MTA3: variants seen among roughly 807,000 people sequenced by gnomAD.
MTA3 encodes metastasis associated 1 family member 3, also known as metastasis-associated protein MTA3.
In MTA3, 34 loss-of-function variants were observed where a neutral mutation model predicts 83.5. That is an observed-to-expected ratio of 0.41 (90% CI 0.31 to 0.54). The LOEUF (loss-of-function observed/expected upper bound fraction) is 0.54, where lower values mean the gene tolerates loss of function less well. MTA3 is among the 20% of genes least tolerant of loss of function. The pLI, the probability that MTA3 is intolerant of heterozygous loss-of-function variation, is 0.33. For synonymous variants in MTA3, 303 were observed against 252.7 expected, an observed-to-expected ratio of 1.20 and a Z score of -1.89; for missense variants, 761 against 726.4, an observed-to-expected ratio of 1.05 and a Z score of -0.55.
intron 2 of MTA3, among the ~76,000 whole-genome samples, chr2:42,521,261 G>A (rs1360895160): frequency 1.3e-5 from 2 of 152,150 alleles, no homozygotes; most frequent in Non-Finnish European, 2.9e-5. Flanking sequence ...GGCCTACGCA[G>A]AAAGGAACTG....
chr2:42,508,385 G>A (rs1004256010), intron 2 of MTA3, among the ~76,000 whole-genome samples: 1 of 152,012 alleles, frequency 6.6e-6, no homozygotes, highest in Non-Finnish European at 1.5e-5. Flanking sequence ...AGGCTGGAGT[G>A]CAGTGGCACC....
At chr2:42,502,994 A>G (rs1373557145) in intron 2 of MTA3, among the ~76,000 whole-genome samples, 3 of 151,758 alleles carry the variant, frequency 2.0e-5, no homozygotes, top group Non-Finnish European at 4.4e-5. Flanking sequence ...AACATTAAAA[A>G]AAAAGGAAAG....
intron 3 of MTA3, among the ~76,000 whole-genome samples, chr2:42,591,741 T>A (rs1217409336): frequency 2.6e-5 from 4 of 151,944 alleles, no homozygotes; most frequent in Non-Finnish European, 5.9e-5. Context: ...ATCTCCGCCT[T>A]CCAGGTTCAA....
chr2:42,500,469 A>G (rs1674347300), intron 2 of MTA3, among the ~76,000 whole-genome samples: 1 of 151,994 alleles, frequency 6.6e-6, no homozygotes, highest in African/African-American at 2.4e-5. Flanking sequence ...GAGGCAGGAG[A>G]ATCGCTTAAA....
intron 3 of MTA3, among the ~76,000 whole-genome samples, chr2:42,586,306 CA>C (rs1215115561): frequency 3.3e-5 from 5 of 150,574 alleles, no homozygotes; most frequent in South Asian, 2.1e-4. Context: ...AAATTTAGGC[CA>C]GGGGCAGTGG....
In MTA3 at chr2:42,708,201, T is replaced by A. The variant is rs1432193482; in HGVS notation, c.1302+147T>A. ...GTAGCACTACAATATTCAGGGTAGG[T>A]GTGGAGAGAAGCAGAGAGAAATTAA... On this transcript the variant is annotated intron_variant, in intron 13 of 16. Transcript: ENST00000405094. 1.5e-5 allele frequency: 12 copies of A among 824,798 alleles called. No individual in the cohort carries two copies. The East Asian group carries it at 3.2e-4, about 22-fold the overall frequency. 51.1% of individuals were successfully genotyped at this position (824,798 alleles called of 1,614,324 possible). A position where few individuals can be genotyped will look rare whatever the true frequency, so the allele number is the denominator to read the frequency against.
rs1670204443 is a variant in MTA3 at position 42,755,849 on chromosome 2, A to C, written c.*2450A>C. 1.0e-6 allele frequency: 1 copy of C among 985,420 alleles called. No individual in the cohort carries two copies. Among genetic ancestry groups the C allele is most frequent in the Non-Finnish European group, 1.2e-6 (1 of 830,068 alleles). 61.0% of individuals were successfully genotyped at this position (985,420 alleles called of 1,614,324 possible). On this transcript the variant is annotated 3_prime_UTR_variant, in exon 17 of 17. Coordinates refer to ENST00000405094, the MANE Select transcript of MTA3 (RefSeq NM_001330442.2). ...GCAGACATGCCCCTGGGGTGAGGAC[A>C]CAGGCTCTGCAGGCTATCTCCCCCT...
chr2:42,617,759 A>G (rs117360248), intron 4 of MTA3, among the ~76,000 whole-genome samples: 2,025 of 151,348 alleles, frequency 0.013, 42 homozygotes, highest in South Asian at 0.078. Flanking sequence ...CTGGGCAACA[A>G]CAGTGCAACT....
chr2:42,511,994 G>A (rs1674924990), intron 2 of MTA3: 1 of 151,868 alleles, frequency 6.6e-6, no homozygotes, highest in Admixed American at 6.6e-5. Flanking sequence ...TCCAGCCTGG[G>A]CGACAGAGCG....
At chr2:42,716,199 A>AT (rs1667017614) in intron 14 of MTA3, among the ~76,000 whole-genome samples, 3 of 152,246 alleles carry the variant, frequency 2.0e-5, no homozygotes. Flanking sequence ...AAGAAAAGAA[A>AT]TTGGATCATT....
chr2:42,607,313 A>C (rs1168486629), intron 3 of MTA3, among the ~76,000 whole-genome samples: 1 of 152,140 alleles, frequency 6.6e-6, no homozygotes, highest in East Asian at 1.9e-4. Flanking sequence ...AGCAAAGAGG[A>C]GTCTCCCGCT....
At chr2:42,571,583 T>G (rs1010358238) in intron 2 of MTA3, among the ~76,000 whole-genome samples, 1 of 152,172 alleles carries the variant, frequency 6.6e-6, no homozygotes. Context: ...ATGTGTATTT[T>G]TCCCTTTTTA....
intron 4 of MTA3, among the ~76,000 whole-genome samples, chr2:42,625,940 T>G (rs1386351298): frequency 6.7e-6 from 1 of 149,284 alleles, no homozygotes; most frequent in Admixed American, 6.6e-5. Context: ...TTATCCTTTT[T>G]TTTTTCTTTT....
chr2:42,664,721 T>G (rs1263955946), intron 8 of MTA3, among the ~76,000 whole-genome samples: 1 of 152,130 alleles, frequency 6.6e-6, no homozygotes, highest in East Asian at 1.9e-4. Context: ...AAGACCTCTT[T>G]GAGAGGCCTG....
chr2:42,739,693 G>C (rs1224116698), intron 16 of MTA3, among the ~76,000 whole-genome samples: 1 of 152,142 alleles, frequency 6.6e-6, no homozygotes, highest in Non-Finnish European at 1.5e-5. Flanking sequence ...ACCCACATTA[G>C]AACTTCTTTC....
At chr2:42,554,567 A>T (rs1004204752) in intron 2 of MTA3, among the ~76,000 whole-genome samples, 3 of 152,152 alleles carry the variant, frequency 2.0e-5, no homozygotes, top group African/African-American at 4.8e-5. Flanking sequence ...AGGGATAGTG[A>T]CTGCTGTTGA....
At chr2:42,518,606 C>A (rs6544555) in intron 2 of MTA3, among the ~76,000 whole-genome samples, 55,988 of 151,930 alleles carry the variant, frequency 0.37, 10,493 homozygotes, top group African/African-American at 0.43. Flanking sequence ...ATTGATGTAG[C>A]TATTCCACCC....
At position 42,746,467 on chromosome 2, in the gene MTA3, A is replaced by G. The variant is rs576354966; in HGVS notation, c.1760-6907A>G. On this transcript the variant is annotated intron_variant, in intron 16 of 16. Transcript: ENST00000405094. ...AGCAATCAGTTTTGCAGCAGACATA[A>G]GCTGAGTATCCTCCAATTCAATTCT... 2.0e-5 allele frequency among the ~76,000 whole-genome samples: 3 copies of G among 152,194 alleles called. No homozygotes were observed. The South Asian group carries it at 6.2e-4, about 31-fold the overall frequency.
At chr2:42,608,132 G>A (rs1683726083) in intron 3 of MTA3, among the ~76,000 whole-genome samples, 1 of 152,220 alleles carries the variant, frequency 6.6e-6, no homozygotes, top group Non-Finnish European at 1.5e-5. Flanking sequence ...AAGAACGTAA[G>A]ATTTACTGTT....
Sources: gnomAD v4.1 joint callset for allele counts (sites outside exome capture counted in the v4.1 genomes callset) on GRCh38, gnomAD v4.1.1 for gene constraint, MANE v1.5 for transcripts, NCBI Gene and HGNC (gene_info 2026-07-23, HGNC 2026-07-21) for gene names.